Variants in CLIC5 observed in about 807,000 individuals in gnomAD.
The protein encoded by CLIC5 is CLIC family member 5.
Under a neutral mutation model 24.7 loss-of-function variants are expected in CLIC5, and 20 were observed. The observed-to-expected ratio is 0.81, with a 90% CI of 0.57 to 1.18. CLIC5 has a LOEUF of 1.18. Ranked by LOEUF, CLIC5 falls within the 50% of genes most tolerant of loss-of-function variation. The probability of loss-of-function intolerance (pLI) is 0.00; values close to 1 mark genes in which losing one functional copy is unlikely to be tolerated. For missense variants in CLIC5, 341 were observed against 326.1 expected (o/e 1.05, Z -0.35); for synonymous variants, 159 against 135.6 (o/e 1.17, Z -1.20).
chr6:45,941,733 G>T, intron 3 of CLIC5, 80 bp from the exon 4 acceptor site: 2 of 1,045,150 alleles, frequency 1.9e-6, no homozygotes, highest in Non-Finnish European at 3.0e-6. Flanking sequence ...ATCATGATAA[G>T]CAATACTTCC....
downstream of CLIC5, among the ~76,000 whole-genome samples, chr6:45,896,352 T>C (rs1334775308): frequency 1.3e-5 from 2 of 152,224 alleles, no homozygotes; most frequent in South Asian, 2.1e-4. Context: ...TGCCAAAAAG[T>C]ACTCTTCATC....
chr6:45,915,463 C>G (rs975175349), intron 4 of CLIC5, among the ~76,000 whole-genome samples: 1 of 152,128 alleles, frequency 6.6e-6, no homozygotes, highest in African/African-American at 2.4e-5. Flanking sequence ...GGGAATAGAA[C>G]AGCCCTTTTT....
chr6:46,014,859 C>T (rs1257056560), intron 1 of CLIC5: 1 of 152,236 alleles, frequency 6.6e-6, no homozygotes, highest in Non-Finnish European at 1.5e-5. Flanking sequence ...TACCAAACGC[C>T]TAACATTTCC....
intron 1 of CLIC5, among the ~76,000 whole-genome samples, chr6:45,984,642 A>G (rs1444498389): frequency 6.6e-6 from 1 of 152,194 alleles, no homozygotes; most frequent in Non-Finnish European, 1.5e-5. Flanking sequence ...ACTGCAGGGC[A>G]AGGCTTTCAT....
At chr6:45,991,433 C>T (rs957346333) in intron 1 of CLIC5, among the ~76,000 whole-genome samples, 5 of 152,202 alleles carry the variant, frequency 3.3e-5, no homozygotes, top group Non-Finnish European at 7.3e-5. Context: ...TGGAAGAAGA[C>T]TCAGAACTAC....
chr6:46,124,173 C>T, the CLIC5 span, among the ~76,000 whole-genome samples: 1 of 152,202 alleles, frequency 6.6e-6, no homozygotes, highest in African/African-American at 2.4e-5. Flanking sequence ...CACTACCTGA[C>T]TTCAAACTAG....
At chr6:45,997,248 G>A (rs920422590) in intron 1 of CLIC5, among the ~76,000 whole-genome samples, 3 of 149,896 alleles carry the variant, frequency 2.0e-5, no homozygotes, top group Non-Finnish European at 4.4e-5. Context: ...GTAAACTCTC[G>A]CAAGAACAAA....
downstream of CLIC5, among the ~76,000 whole-genome samples, chr6:45,894,138 G>GA (rs1199652814): frequency 6.6e-6 from 1 of 152,208 alleles, no homozygotes; most frequent in East Asian, 1.9e-4. Flanking sequence ...TAAATAAAGA[G>GA]ACAACCATGA....
At chr6:46,122,319 C>G in the CLIC5 span, among the ~76,000 whole-genome samples, 1 of 152,174 alleles carries the variant, frequency 6.6e-6, no homozygotes, top group African/African-American at 2.4e-5. Context: ...ACAACCTGCT[C>G]CTGAATGACT....
intron 3 of CLIC5, among the ~76,000 whole-genome samples, chr6:45,944,772 T>C (rs1764237685): frequency 6.6e-6 from 1 of 152,136 alleles, no homozygotes; most frequent in Non-Finnish European, 1.5e-5. Context: ...GAGATTGGTT[T>C]TGGGGATAGA....
intron 1 of CLIC5, among the ~76,000 whole-genome samples, chr6:46,052,118 T>C (rs1008079838): frequency 9.5e-6 from 1 of 105,564 alleles, no homozygotes; most frequent in Non-Finnish European, 1.9e-5. Context: ...AATGATGAGA[T>C]TTCCCTGAAA....
chr6:45,905,480 CTT>C (rs36089623), intron 5 of CLIC5, among the ~76,000 whole-genome samples: 4,892 of 125,240 alleles, frequency 0.039, 102 homozygotes, highest in African/African-American at 0.076. Flanking sequence ...TGATACTGAG[CTT>C]TTTTTTTTTT....
chr6:46,117,431 A>G, the CLIC5 span, among the ~76,000 whole-genome samples: 4 of 152,248 alleles, frequency 2.6e-5, no homozygotes, highest in African/African-American at 7.2e-5. Context: ...AAACTAATAC[A>G]TGCAAATGTG....
At chr6:46,035,892 G>A (rs1032522257) in intron 1 of CLIC5, among the ~76,000 whole-genome samples, 2 of 151,476 alleles carry the variant, frequency 1.3e-5, no homozygotes, top group African/African-American at 2.4e-5. Context: ...CTACAGGTGC[G>A]TGCCACCACA....
At chr6:45,958,449 T>C (rs868120328) in intron 1 of CLIC5, among the ~76,000 whole-genome samples, 9,688 of 24,008 alleles carry the variant, frequency 0.4, 1,894 homozygotes, top group African/African-American at 0.52. Flanking sequence ...TATATATATA[T>C]ATATATATAT....
chr6:46,102,443 C>T, the CLIC5 span: 1 of 152,118 alleles, frequency 6.6e-6, no homozygotes, highest in African/African-American at 2.4e-5. Context: ...TCTTTATGTC[C>T]AACTTTTATA....
the CLIC5 span, among the ~76,000 whole-genome samples, chr6:46,109,693 A>G: frequency 6.6e-6 from 1 of 152,152 alleles, no homozygotes; most frequent in African/African-American, 2.4e-5. Flanking sequence ...TCCAGAGTCA[A>G]GAAAACTTTT....
chr6:45,922,807 A>AAG (rs1177220849), intron 4 of CLIC5, among the ~76,000 whole-genome samples: 1 of 118,724 alleles, frequency 8.4e-6, no homozygotes, highest in Non-Finnish European at 1.9e-5. Flanking sequence ...AGAAGGGAGG[A>AAG]AGAGAGAGAG....
At chr6:45,926,503 C>T (rs1189174873) in intron 4 of CLIC5, among the ~76,000 whole-genome samples, 2 of 151,736 alleles carry the variant, frequency 1.3e-5, no homozygotes, top group Non-Finnish European at 2.9e-5. Context: ...TGATCCGCCC[C>T]CCTCGGCTTC....
Sources: gnomAD v4.1 joint callset for allele counts (sites outside exome capture counted in the v4.1 genomes callset) on GRCh38, gnomAD v4.1.1 for gene constraint, MANE v1.5 for transcripts, NCBI Gene and HGNC (gene_info 2026-07-23, HGNC 2026-07-21) for gene names.